Variants in TXN observed in about 807,000 individuals in gnomAD.
TXN encodes ADF.
TXN carries 10 observed loss-of-function variants against 16.5 expected under a neutral mutation model. The ratio of observed to expected loss-of-function variants is 0.61; its 90% CI spans 0.37 to 1.03. TXN has a LOEUF of 1.03. TXN is among the 50% of genes least tolerant of loss of function. The pLI is 0.01. For synonymous variants in TXN, 35 were observed against 39.4 expected, an observed-to-expected ratio of 0.89 and a Z score of 0.42; for missense variants, 71 against 122.5, an observed-to-expected ratio of 0.58 and a Z score of 1.98.
rs1837611954 is a variant in TXN, at chr9:110,243,962, T to C, written c.*195A>G. ...AAAAGTGATTGAGAATATAGGAAAA[T>C]ACATTAAATGACCATTTCACATTTA... On this transcript the variant is annotated 3_prime_UTR_variant, in exon 5 of 5. Transcript: ENST00000374517. 3.2e-6 allele frequency: 1 copy of C among 310,664 alleles called. No homozygotes were observed. The highest frequency in any genetic ancestry group is 6.0e-6 in the Non-Finnish European group (1 of 165,358). The allele number at this position is 310,664 out of a possible 1,614,324, so 19.2% of individuals were successfully genotyped here. A position where few individuals can be genotyped will look rare whatever the true frequency, so the allele number is the denominator to read the frequency against.
At chr9:110,247,296 C>A (rs1020421555) in intron 3 of TXN, among the ~76,000 whole-genome samples, 1 of 145,102 alleles carries the variant, frequency 6.9e-6, no homozygotes. Context: ...GCACTCCAGC[C>A]TGGGTGACAG....
At chr9:110,246,435 G>T (rs1442664073) in intron 3 of TXN, among the ~76,000 whole-genome samples, 1 of 152,112 alleles carries the variant, frequency 6.6e-6, no homozygotes, top group Non-Finnish European at 1.5e-5. Context: ...AGAGGGCAAG[G>T]TTTGGAGGAC....
At chr9:110,253,064 T>C (rs370752236) in intron 1 of TXN, among the ~76,000 whole-genome samples, 2 of 150,904 alleles carry the variant, frequency 1.3e-5, no homozygotes, top group East Asian at 2.0e-4. Flanking sequence ...TAAAAAAAAA[T>C]GAACATTCCC....
At chr9:110,244,338 TATAA>T (rs1837621567) in intron 4 of TXN, 119 bp from the exon 5 acceptor site, 6 of 177,102 alleles carry the variant, frequency 3.4e-5, no homozygotes, top group Non-Finnish European at 5.4e-5. Flanking sequence ...TATACATATG[TATAA>T]ATATGTATTC....
Position 110,256,286 on chromosome 9 carries a change from C to T in TXN, c.24+126G>A, listed in dbSNP as rs987417912. On this transcript the variant is annotated intron_variant, in intron 1 of 4. Transcript: ENST00000374517. The surrounding 1 kb of genome is among the most constrained non-coding windows in gnomAD (Gnocchi z 4.2). The stretch of plus-strand genomic sequence containing the variant: ...GGCCGAGACGCCGCGTCCCTTTCCC[C>T]TGGCGATGCGGAGGGGCGGCCTCCG... 3 of 1,078,260 alleles carry T rather than the reference C, an allele frequency of 2.8e-6. No homozygotes were observed. The highest frequency in any genetic ancestry group is 3.2e-5 in the African/African-American group (2 of 62,864). 66.8% of individuals were successfully genotyped at this position (1,078,260 alleles called of 1,614,324 possible).
chr9:110,255,090 A>G (rs1262343023), intron 1 of TXN, among the ~76,000 whole-genome samples: 1 of 152,222 alleles, frequency 6.6e-6, no homozygotes, highest in African/African-American at 2.4e-5. Context: ...AAACACTGAG[A>G]GTCAATAATA....
In TXN at chr9:110,245,656, T is replaced by A. The variant is rs28645612; in HGVS notation, c.190-813A>T. Among the ~76,000 whole-genome samples the A allele has an allele frequency of 4.0e-3, 257 of 64,488 alleles. No homozygotes were observed. In the East Asian group the frequency reaches 0.046, roughly 12 times the overall value. 42.3% of individuals were successfully genotyped at this position (64,488 alleles called of 152,430 possible). A position where few individuals can be genotyped will look rare whatever the true frequency, so the allele number is the denominator to read the frequency against. ...TATATATATATATATATATATATATTTTTTTTTTTTTTTTTTTATAGGGAC... is the reference window on the plus strand; with the variant it reads ...TATATATATATATATATATATATATATTTTTTTTTTTTTTTTTATAGGGAC... On this transcript the variant is annotated intron_variant, in intron 3 of 4. Coordinates refer to ENST00000374517, the MANE Select transcript of TXN (RefSeq NM_003329.4).
rs527887855 is a variant in TXN, at chr9:110,243,977, T to G, written c.*180A>C. On this transcript the variant is annotated 3_prime_UTR_variant, in exon 5 of 5. Coordinates refer to ENST00000374517, the MANE Select transcript of TXN (RefSeq NM_003329.4). ...TATAGGAAAATACATTAAATGACCA[T>G]TTCACATTTATTTTGAAAGCTATTC... 21 of 327,482 alleles carry G rather than the reference T, an allele frequency of 6.4e-5. No individual in the cohort carries two copies. In the East Asian group the frequency reaches 7.7e-4, roughly 12 times the overall value. The allele number at this position is 327,482 out of a possible 1,614,324, so 20.3% of individuals were successfully genotyped here. A position where few individuals can be genotyped will look rare whatever the true frequency, so the allele number is the denominator to read the frequency against.
chr9:110,245,765 T>C (rs1191392112), intron 3 of TXN, among the ~76,000 whole-genome samples: 1 of 149,066 alleles, frequency 6.7e-6, no homozygotes, highest in African/African-American at 2.5e-5. Context: ...AGTGCTAGGA[T>C]TACAGGTGTG....
Position 110,244,300 on chromosome 9 carries a change from T to TCAATCGGGAGTACTACTCG in TXN, c.256-82_256-81insCGAGTAGTACTCCCGATTG. 8.8e-6 allele frequency: 4 copies of TCAATCGGGAGTACTACTCG among 454,378 alleles called. No homozygotes were observed. The East Asian group carries it at 2.2e-4, about 25-fold the overall frequency. 28.1% of individuals were successfully genotyped at this position (454,378 alleles called of 1,614,324 possible). On this transcript the variant is annotated intron_variant, in intron 4 of 4. Transcript: ENST00000374517. ...CATAAAATATGTATAAATATGTATT[T>TCAATCGGGAGTACTACTCG]ATATATATACATATACATATGTATA...
At chr9:110,245,474 G>T (rs965572285) in intron 3 of TXN, among the ~76,000 whole-genome samples, 3 of 149,040 alleles carry the variant, frequency 2.0e-5, no homozygotes, top group African/African-American at 7.4e-5. Context: ...CAGGGGCATA[G>T]TCTCAGCTCA....
chr9:110,254,348 C>G (rs977209840), intron 1 of TXN, among the ~76,000 whole-genome samples: 2 of 152,142 alleles, frequency 1.3e-5, no homozygotes, highest in African/African-American at 4.8e-5. Context: ...TGGTGAAACC[C>G]CATCTCTACT....
chr9:110,245,616 CACTATATATATATATATA>C (rs1399435398), intron 3 of TXN, among the ~76,000 whole-genome samples: 1 of 73,640 alleles, frequency 1.4e-5, no homozygotes, highest in African/African-American at 5.6e-5. Flanking sequence ...CACACACACA[CACTATATATATATATATA>C]TATATATATA....
intron 4 of TXN, 147 bp downstream of exon 4, chr9:110,244,631 A>G (rs1489496684): frequency 1.5e-6 from 1 of 648,742 alleles, no homozygotes; most frequent in African/African-American, 1.8e-5. Flanking sequence ...TACTTAAGCC[A>G]ATGAATTTTG....
At chr9:110,244,891 G>A (rs1262632855) in intron 3 of TXN, 48 bp from the exon 4 acceptor site, 5 of 1,501,598 alleles carry the variant, frequency 3.3e-6, no homozygotes, top group Admixed American at 1.7e-5. Context: ...AAGACTGCGA[G>A]TACTGAGCTT....
At chr9:110,254,794 C>T (rs1837784782) in intron 1 of TXN, among the ~76,000 whole-genome samples, 1 of 152,186 alleles carries the variant, frequency 6.6e-6, no homozygotes, top group Admixed American at 6.5e-5. Context: ...GGACAACTAA[C>T]ATAGACCACT....
chr9:110,246,326 C>T (rs1837659876), intron 3 of TXN, among the ~76,000 whole-genome samples: 1 of 152,174 alleles, frequency 6.6e-6, no homozygotes, highest in Non-Finnish European at 1.5e-5. Flanking sequence ...GATTTTTCTA[C>T]AGCTCAAAGG....
chr9:110,254,012 T>C lies in TXN; in HGVS notation c.24+2400A>G, dbSNP rs181027420. ...TTCTGAAGTACTTAGCCAAGTGCCT[T>C]GTAGATGGGAGTTCAATAAATGGTA... On this transcript the variant is annotated intron_variant, in intron 1 of 4. Coordinates refer to ENST00000374517, the MANE Select transcript of TXN (RefSeq NM_003329.4). 8.3e-3 allele frequency among the ~76,000 whole-genome samples: 1,257 copies of C among 152,300 alleles called. 16 individuals carry two copies. The highest frequency in any genetic ancestry group is 0.024 in the South Asian group (117 of 4,828).
intron 3 of TXN, among the ~76,000 whole-genome samples, chr9:110,249,030 A>G (rs1385573310): frequency 1.4e-5 from 2 of 144,764 alleles, no homozygotes; most frequent in East Asian, 4.5e-4. Context: ...CAGGAGGCTG[A>G]GACAGAGGAT....
Sources: gnomAD v4.1 joint callset for allele counts (sites outside exome capture counted in the v4.1 genomes callset) on GRCh38, gnomAD v4.1.1 for gene constraint, Gnocchi (gnomAD v3.1) non-coding constraint, MANE v1.5 for transcripts, NCBI Gene and HGNC (gene_info 2026-07-23, HGNC 2026-07-21) for gene names.